STAT5B: variants seen among roughly 807,000 people sequenced by gnomAD.
STAT5B encodes the protein signal transducer and activator of transcription 5B, also known as transcription factor STAT5B.
STAT5B carries 21 observed loss-of-function variants against 107.8 expected under a neutral mutation model. The ratio of observed to expected loss-of-function variants is 0.19; its 90% CI spans 0.14 to 0.28. The LOEUF is 0.28. Among genes scored for constraint, STAT5B ranks in the 10% least tolerant of loss-of-function variants. STAT5B has a pLI of 1.00. For synonymous variants in STAT5B, 325 were observed against 401.7 expected (o/e 0.81, Z 2.28); for missense variants, 565 against 1,008.2 (o/e 0.56, Z 5.95).
At chr17:42,262,968 GTGTATATATATA>G (rs1303155495) in intron 1 of STAT5B, among the ~76,000 whole-genome samples, 18 of 32,692 alleles carry the variant, frequency 5.5e-4, no homozygotes, top group African/African-American at 1.9e-3. Context: ...GTGTGTGTGT[GTGTATATATATA>G]TATATATATA....
the STAT5B span, among the ~76,000 whole-genome samples, chr17:42,286,109 T>C: frequency 6.6e-6 from 1 of 151,794 alleles, no homozygotes; most frequent in South Asian, 2.1e-4. Flanking sequence ...GGCACATGCC[T>C]GTAATCCCAG....
At chr17:42,202,684 A>T (rs759822682) in intron 17 of STAT5B, 73 bp downstream of exon 17, 11 of 1,610,616 alleles carry the variant, frequency 6.8e-6, no homozygotes, top group Non-Finnish European at 9.3e-6. Flanking sequence ...CTGGGCCAGG[A>T]TAAGGATGGG....
intron 1 of STAT5B, among the ~76,000 whole-genome samples, chr17:42,260,917 C>CTTTTTTTTT (rs11402155): frequency 1.4e-5 from 2 of 141,914 alleles, no homozygotes; most frequent in African/African-American, 2.6e-5. Flanking sequence ...TATGTCTTAC[C>CTTTTTTTTT]TTTTTTTTTT....
intron 1 of STAT5B, among the ~76,000 whole-genome samples, chr17:42,239,110 T>C (rs1191962718): frequency 2.0e-5 from 3 of 151,484 alleles, no homozygotes; most frequent in South Asian, 2.1e-4. Flanking sequence ...TAGCTGGGCG[T>C]GGTGCCATGC....
intron 3 of STAT5B, 59 bp from the exon 4 acceptor site, chr17:42,224,927 A>G: frequency 6.4e-7 from 1 of 1,573,846 alleles, no homozygotes; most frequent in African/African-American, 1.4e-5. Context: ...GGCCCTAACC[A>G]TGCCTCAGGA....
At chr17:42,268,735 AAGAGCTGTAGATTTCTGT>A (rs2080696145) in intron 1 of STAT5B, 1 of 152,218 alleles carries the variant, frequency 6.6e-6, no homozygotes, top group Non-Finnish European at 1.5e-5. Flanking sequence ...TTCATTTTTA[AAGAGCTGTAGATTTCTGT>A]AGATCTCTAA....
upstream of STAT5B, among the ~76,000 whole-genome samples, chr17:42,281,628 G>A (rs1232847710): frequency 1.3e-5 from 2 of 152,128 alleles, no homozygotes; most frequent in Non-Finnish European, 2.9e-5. Context: ...GGGAGAGGAC[G>A]GGAGCGATGG....
chr17:42,218,630 G>C (rs2080195153), intron 8 of STAT5B, 93 bp downstream of exon 8: 2 of 1,602,882 alleles, frequency 1.2e-6, no homozygotes, highest in Non-Finnish European at 1.7e-6. Flanking sequence ...GAGGCAGGAA[G>C]TGGATCTGCT....
intron 15 of STAT5B, among the ~76,000 whole-genome samples, chr17:42,208,884 A>G (rs566098463): frequency 3.5e-4 from 53 of 152,068 alleles, no homozygotes; most frequent in Non-Finnish European, 8.8e-5. Context: ...GGTGCCCACA[A>G]CTACACCCGG....
At chr17:42,287,330 A>ACCCCC in the STAT5B span, among the ~76,000 whole-genome samples, 1,544 of 144,408 alleles carry the variant, frequency 0.011, 13 homozygotes, top group South Asian at 0.028. Flanking sequence ...ATGAGAATGC[A>ACCCCC]CCCCCCCCAA....
chr17:42,272,929 A>G (rs774773742), intron 1 of STAT5B, among the ~76,000 whole-genome samples: 15 of 152,220 alleles, frequency 9.9e-5, no homozygotes, highest in Non-Finnish European at 1.5e-5. Context: ...TTCTCTTTTG[A>G]TTAGTAAAAA....
intron 1 of STAT5B, among the ~76,000 whole-genome samples, chr17:42,256,815 T>C (rs753159452): frequency 1.6e-4 from 22 of 136,706 alleles, no homozygotes; most frequent in Admixed American, 9.3e-4. Flanking sequence ...TGAACGGAGA[T>C]TGCGCCACTG....
At chr17:42,272,865 CA>C (rs974420871) in intron 1 of STAT5B, among the ~76,000 whole-genome samples, 18 of 152,158 alleles carry the variant, frequency 1.2e-4, no homozygotes, top group African/African-American at 4.1e-4. Context: ...CTGAAACCAT[CA>C]AAAGTGAGGG....
At chr17:42,250,718 A>G (rs1026513912) in intron 1 of STAT5B, among the ~76,000 whole-genome samples, 1 of 151,914 alleles carries the variant, frequency 6.6e-6, no homozygotes, top group Non-Finnish European at 1.5e-5. Context: ...AGGTCAGGAG[A>G]TCGAGACCAT....
upstream of STAT5B, among the ~76,000 whole-genome samples, chr17:42,281,162 A>C (rs1030591749): frequency 2.0e-5 from 3 of 152,010 alleles, no homozygotes; most frequent in Non-Finnish European, 2.9e-5. Flanking sequence ...CAAAAACAAA[A>C]AAAAACTAGC....
Position 42,202,186 on chromosome 17 carries a change from T to C in STAT5B, c.2237+154A>G, listed in dbSNP as rs199700154. ...AAACCACCAATCACTTCTGGTCAAA[T>C]CTCTCCCTCCCAAAGGCCAGAGCCC... is the stretch of plus-strand genomic sequence containing the variant. On this transcript the variant is annotated intron_variant, in intron 18 of 18. Coordinates refer to ENST00000293328, the MANE Select transcript of STAT5B (RefSeq NM_012448.4). The C allele has an allele frequency of 3.4e-5, 29 of 864,474 alleles. No homozygotes were observed. The East Asian group carries it at 7.2e-4, about 21-fold the overall frequency. 53.6% of individuals were successfully genotyped at this position (864,474 alleles called of 1,614,324 possible). A position where few individuals can be genotyped will look rare whatever the true frequency, so the allele number is the denominator to read the frequency against.
intron 5 of STAT5B, among the ~76,000 whole-genome samples, chr17:42,221,276 G>GCAGATCAATAGTCTGTGTT (rs1567660977): frequency 6.6e-6 from 1 of 152,256 alleles, no homozygotes; most frequent in African/African-American, 2.4e-5. Context: ...CACAGGGAGG[G>GCAGATCAATAGTCTGTGTT]TGGTGGTGAT....
At chr17:42,254,522 T>TA (rs914452528) in intron 1 of STAT5B, among the ~76,000 whole-genome samples, 1,780 of 145,788 alleles carry the variant, frequency 0.012, 22 homozygotes, top group African/African-American at 0.036. Flanking sequence ...TTTCTGTCCT[T>TA]AAAAAAAAAA....
chr17:42,243,403 T>C (rs1184493064), intron 1 of STAT5B, among the ~76,000 whole-genome samples: 1 of 152,116 alleles, frequency 6.6e-6, no homozygotes, highest in Non-Finnish European at 1.5e-5. Flanking sequence ...TATATCATTA[T>C]ATATTAGATA....
Sources: allele counts gnomAD v4.1 joint callset (sites outside exome capture counted in the v4.1 genomes callset), GRCh38; gene constraint gnomAD v4.1.1; transcripts MANE v1.5; gene names NCBI Gene and HGNC (gene_info 2026-07-23, HGNC 2026-07-21).